The following KCNIP3 variants were observed in gnomAD, a reference collection of about 807,000 sequenced individuals.
KCNIP3 encodes the protein potassium voltage-gated channel interacting protein 3, also known as calsenilin.
A neutral mutation model predicts 35.0 loss-of-function variants in KCNIP3; 28 were observed. The observed-to-expected ratio is 0.80, with a 90% CI of 0.59 to 1.10. The LOEUF is 1.10. Ranked by LOEUF, KCNIP3 falls within the 50% of genes least tolerant of loss-of-function variation. KCNIP3 has a pLI of 0.00. For synonymous variants in KCNIP3, 134 were observed against 133.8 expected, an observed-to-expected ratio of 1.00 and a Z score of -0.01; for missense variants, 295 against 338.4, an observed-to-expected ratio of 0.87 and a Z score of 1.01.
At chr2:95,337,232 C>T (rs933690682) in intron 2 of KCNIP3, among the ~76,000 whole-genome samples, 1 of 152,044 alleles carries the variant, frequency 6.6e-6, no homozygotes, top group African/African-American at 2.4e-5. Flanking sequence ...CTGCGGGGTC[C>T]ATTCAGTGCG....
At chr2:95,348,359 C>G in intron 2 of KCNIP3, among the ~76,000 whole-genome samples, 1 of 152,308 alleles carries the variant, frequency 6.6e-6, no homozygotes, top group South Asian at 2.1e-4. Flanking sequence ...GGTGAGCGTC[C>G]TGTGCTGCTG....
chr2:95,343,429 G>C (rs1034020535), intron 2 of KCNIP3, among the ~76,000 whole-genome samples: 13 of 152,162 alleles, frequency 8.5e-5, no homozygotes, highest in Admixed American at 1.3e-4. Context: ...AACTAAACTA[G>C]AATAAGGCAG....
At chr2:95,371,633 T>C (rs559837324) in intron 2 of KCNIP3, among the ~76,000 whole-genome samples, 6 of 152,172 alleles carry the variant, frequency 3.9e-5, no homozygotes, top group Non-Finnish European at 8.8e-5. Flanking sequence ...CCAATTATGA[T>C]TGTGACTTTT....
chr2:95,357,924 G>A (rs925346658), intron 2 of KCNIP3, among the ~76,000 whole-genome samples: 2 of 152,168 alleles, frequency 1.3e-5, no homozygotes, highest in African/African-American at 2.4e-5. Flanking sequence ...GGCACAGGCC[G>A]TGCGCAGTGT....
chr2:95,325,834 TAC>T (rs1205046696), intron 2 of KCNIP3, among the ~76,000 whole-genome samples: 52 of 95,632 alleles, frequency 5.4e-4, no homozygotes, highest in Non-Finnish European at 8.5e-4. Flanking sequence ...CATACACTCA[TAC>T]ACACTCATAC....
At chr2:95,371,065 A>C (rs1163466258) in intron 2 of KCNIP3, among the ~76,000 whole-genome samples, 13 of 152,130 alleles carry the variant, frequency 8.5e-5, no homozygotes, top group Non-Finnish European at 1.9e-4. Flanking sequence ...CACTGCACCC[A>C]GCCTGTCATT....
intron 2 of KCNIP3, among the ~76,000 whole-genome samples, chr2:95,339,388 T>C (rs1393268785): frequency 6.6e-6 from 1 of 152,030 alleles, no homozygotes; most frequent in Admixed American, 6.5e-5. Flanking sequence ...GAGACCAGCC[T>C]GGCCAACACG....
chr2:95,373,115 A>G (rs1680079023), intron 2 of KCNIP3, among the ~76,000 whole-genome samples: 1 of 152,102 alleles, frequency 6.6e-6, no homozygotes, highest in South Asian at 2.1e-4. Flanking sequence ...CATGAGGGTG[A>G]TTATGGATCA....
chr2:95,374,460 C>T, intron 3 of KCNIP3, 40 bp downstream of exon 3: 4 of 1,605,620 alleles, frequency 2.5e-6, no homozygotes, highest in Non-Finnish European at 3.4e-6. Context: ...CCTTGGAGAC[C>T]CTGGCTCAGG....
At chr2:95,315,210 G>A (rs1189273493) in intron 2 of KCNIP3, among the ~76,000 whole-genome samples, 1 of 152,180 alleles carries the variant, frequency 6.6e-6, no homozygotes, top group Non-Finnish European at 1.5e-5. Flanking sequence ...GATAATGGGA[G>A]CCCCAGAGTG....
intron 2 of KCNIP3, among the ~76,000 whole-genome samples, chr2:95,324,088 G>A (rs764271075): frequency 1.3e-5 from 2 of 152,252 alleles, no homozygotes; most frequent in Non-Finnish European, 2.9e-5. Context: ...CCCCTCCGTG[G>A]GCTGGCGGGG....
intron 2 of KCNIP3, among the ~76,000 whole-genome samples, chr2:95,328,996 G>A (rs1284431358): frequency 1.3e-5 from 2 of 152,226 alleles, no homozygotes; most frequent in Non-Finnish European, 2.9e-5. Flanking sequence ...ATGGGTCTCA[G>A]TGTAGCCCAG....
chr2:95,333,588 G>A (rs1193407605), intron 2 of KCNIP3, among the ~76,000 whole-genome samples: 6 of 152,196 alleles, frequency 3.9e-5, no homozygotes, highest in Non-Finnish European at 7.3e-5. Context: ...TCTAGAGACC[G>A]TATGGGCAAG....
At chr2:95,353,054 C>T (rs542500149) in intron 2 of KCNIP3, among the ~76,000 whole-genome samples, 4 of 152,308 alleles carry the variant, frequency 2.6e-5, no homozygotes, top group South Asian at 2.1e-4. Flanking sequence ...TATGGGTTAG[C>T]GAGCAAACAC....
At chr2:95,349,095 C>G (rs1375678885) in intron 2 of KCNIP3, among the ~76,000 whole-genome samples, 12 of 152,106 alleles carry the variant, frequency 7.9e-5, no homozygotes, top group South Asian at 2.1e-4. Context: ...ACACCCCCCC[C>G]CGCCCCCCGT....
chr2:95,334,874 T>C (rs1470869327), intron 2 of KCNIP3, among the ~76,000 whole-genome samples: 1 of 152,086 alleles, frequency 6.6e-6, no homozygotes, highest in African/African-American at 2.4e-5. Flanking sequence ...GGATATACCT[T>C]GTAAGGGGAT....
intron 1 of KCNIP3, 106 bp from the exon 2 acceptor site, chr2:95,310,249 T>G: frequency 1.5e-6 from 2 of 1,317,960 alleles, no homozygotes; most frequent in Non-Finnish European, 2.2e-6. Context: ...GAGCCCTCTG[T>G]TGTGTTCAGG....
At chr2:95,323,689 C>T (rs928949479) in intron 2 of KCNIP3, among the ~76,000 whole-genome samples, 26 of 152,250 alleles carry the variant, frequency 1.7e-4, no homozygotes, top group Admixed American at 1.2e-3. Flanking sequence ...CTGGCATCCC[C>T]GGGATGCCAC....
intron 5 of KCNIP3, among the ~76,000 whole-genome samples, chr2:95,375,779 G>A (rs868064911): frequency 4.6e-5 from 7 of 152,208 alleles, no homozygotes; most frequent in Middle Eastern, 3.4e-3. Flanking sequence ...CCCCAGCCCC[G>A]CCACACAGGA....
Sources: gnomAD v4.1 joint callset for allele counts (sites outside exome capture counted in the v4.1 genomes callset) on GRCh38, gnomAD v4.1.1 for gene constraint, MANE v1.5 for transcripts, NCBI Gene and HGNC (gene_info 2026-07-23, HGNC 2026-07-21) for gene names.